DCP1B: variants seen among roughly 807,000 people sequenced by gnomAD.
DCP1B encodes the protein decapping mRNA 1B.
Under a neutral mutation model 60.5 loss-of-function variants are expected in DCP1B, and 47 were observed. That is an observed-to-expected ratio of 0.78 (90% CI 0.61 to 0.99). DCP1B has a LOEUF of 0.99. Ranked by LOEUF, DCP1B falls within the 50% of genes least tolerant of loss-of-function variation. The pLI is 0.00. For synonymous variants in DCP1B, 267 were observed against 280.3 expected, an observed-to-expected ratio of 0.95 and a Z score of 0.47; for missense variants, 725 against 756.8, an observed-to-expected ratio of 0.96 and a Z score of 0.49.
chr12:1,952,500 G>A lies in DCP1B; in HGVS notation c.1440C>T (p.Leu480=), dbSNP rs139331238. Residue 480 remains leucine (L), a synonymous_variant, in exon 7 of 9, where the codon CTC becomes CTT. Coordinates refer to ENST00000280665, the MANE Select transcript of DCP1B (RefSeq NM_152640.5). ...GTTTCCCTGTTCCAGAGCTCTGAGC[G>A]AGCACAGGAAACTTAGCGGCCAAGG... is the stretch of plus-strand genomic sequence containing the variant. ...RPALAAKFPV[L]AQSSGTGKPL... is the part of the protein sequence containing the mutation. The A allele has an allele frequency of 1.1e-4, 170 of 1,614,128 alleles. 1 individual carries two copies. In the African/African-American group the frequency reaches 1.7e-3, roughly 16 times the overall value.
rs1462446981 is a variant in DCP1B at position 1,995,309 on chromosome 12, TTG to T, written c.192-1920_192-1919del. ...CTTCTCCAAAGAATCATAATGCGTG[TTG>T]TGAGAGATGAGTGAGAACGCACCCT... is the stretch of plus-strand genomic sequence containing the variant. On this transcript the variant is annotated intron_variant, in intron 2 of 8. Transcript: ENST00000280665. 2.0e-5 allele frequency among the ~76,000 whole-genome samples: 3 copies of T among 152,244 alleles called. No individual in the cohort carries two copies. In the East Asian group the frequency reaches 5.8e-4, roughly 29 times the overall value.
rs1231785978 is a variant in DCP1B, at chr12:1,948,340, C to T, written c.1773+746G>A. ...GGGCCAGGCTGGGTGCATCCCAGCC[C>T]TGCTTATGTACGAGCTCCGTGCCTC... On this transcript the variant is annotated intron_variant, in intron 8 of 8. Coordinates refer to ENST00000280665, the MANE Select transcript of DCP1B (RefSeq NM_152640.5). This position sits in a 1 kb window ranked among gnomAD's most constrained non-coding sequence, Gnocchi z 4.8. Among the ~76,000 whole-genome samples the T allele has an allele frequency of 2.0e-5, 3 of 152,218 alleles. No individual in the cohort carries two copies. The highest frequency in any genetic ancestry group is 1.9e-4 in the East Asian group (1 of 5,184).
At chr12:1,950,398 T>G in intron 7 of DCP1B, 1 of 702,412 alleles carries the variant, frequency 1.4e-6, no homozygotes, top group South Asian at 1.5e-5. Context: ...AAGGGAGTTG[T>G]ACATCAGAAA....
At chr12:1,974,957 T>C (rs1183050590) in intron 3 of DCP1B, among the ~76,000 whole-genome samples, 1 of 152,176 alleles carries the variant, frequency 6.6e-6, no homozygotes, top group Non-Finnish European at 1.5e-5. Context: ...GACTTCTTCA[T>C]ATTTGAGCCA....
intron 7 of DCP1B, chr12:1,950,212 T>A: frequency 3.2e-6 from 2 of 618,964 alleles, no homozygotes; most frequent in Non-Finnish European, 5.8e-6. Context: ...TGAGCAAAAG[T>A]TGGCCTAGAG....
In DCP1B at chr12:1,946,126, G is replaced by T; in HGVS notation, c.*80C>A. 1 of 1,121,968 alleles carries T rather than the reference G, an allele frequency of 8.9e-7. No homozygotes were observed. Among genetic ancestry groups the T allele is most frequent in the Non-Finnish European group, 1.2e-6 (1 of 806,050 alleles). 69.5% of individuals were successfully genotyped at this position (1,121,968 alleles called of 1,614,324 possible). ...TTTTAAAAAAGGCAGAAACATTGAA[G>T]GAAACAACACTCAACATGAAAGAAC... On this transcript the variant is annotated 3_prime_UTR_variant, in exon 9 of 9. Coordinates refer to ENST00000280665, the MANE Select transcript of DCP1B (RefSeq NM_152640.5).
At chr12:1,954,501 T>C (rs1175044437) in intron 6 of DCP1B, among the ~76,000 whole-genome samples, 1 of 151,616 alleles carries the variant, frequency 6.6e-6, no homozygotes, top group Non-Finnish European at 1.5e-5. Flanking sequence ...ACCTACAGAT[T>C]GACAATTTTT....
intron 5 of DCP1B, among the ~76,000 whole-genome samples, chr12:1,957,305 A>AAAGT (rs1334217349): frequency 6.6e-6 from 1 of 152,238 alleles, no homozygotes; most frequent in African/African-American, 2.4e-5. Context: ...AAAACCTCAA[A>AAAGT]AAGTATGTCA....
intron 1 of DCP1B, among the ~76,000 whole-genome samples, chr12:2,003,851 G>T (rs1324943065): frequency 6.6e-6 from 1 of 152,042 alleles, no homozygotes; most frequent in African/African-American, 2.4e-5. Context: ...CCCCATCTAA[G>T]ACTGACATTC....
At chr12:2,001,431 C>T (rs2042176443) in intron 1 of DCP1B, among the ~76,000 whole-genome samples, 1 of 152,094 alleles carries the variant, frequency 6.6e-6, no homozygotes. Flanking sequence ...AAGAAATAAG[C>T]AATTCAGAAT....
At chr12:1,973,787 C>T (rs952562098) in intron 3 of DCP1B, among the ~76,000 whole-genome samples, 8 of 152,132 alleles carry the variant, frequency 5.3e-5, no homozygotes, top group African/African-American at 1.9e-4. Context: ...ATAGAAACAA[C>T]TTATTCTGCT....
chr12:1,977,882 T>A (rs1016072849), intron 3 of DCP1B, among the ~76,000 whole-genome samples: 3 of 152,204 alleles, frequency 2.0e-5, no homozygotes, highest in Non-Finnish European at 4.4e-5. Context: ...TGGAAGACAA[T>A]CAAGTTTATA....
rs1399596171 is a variant in DCP1B at position 1,997,915 on chromosome 12, T to C, written c.191+20A>G. 2 of 1,589,706 alleles carry C rather than the reference T, an allele frequency of 1.3e-6. No individual in the cohort carries two copies. The highest frequency in any genetic ancestry group is 2.3e-5 in the East Asian group (1 of 44,404). On this transcript the variant is annotated intron_variant, in intron 2 of 8. Coordinates refer to ENST00000280665, the MANE Select transcript of DCP1B (RefSeq NM_152640.5). ...ATTATTTTGAAGATTAGTTTCTTTATAAAAGTGAAACACTCTTACCTTGTA... is the reference window on the plus strand; with the variant it reads ...ATTATTTTGAAGATTAGTTTCTTTACAAAAGTGAAACACTCTTACCTTGTA...
At chr12:1,999,089 G>A (rs767881738) in intron 1 of DCP1B, among the ~76,000 whole-genome samples, 16 of 152,314 alleles carry the variant, frequency 1.1e-4, no homozygotes, top group Middle Eastern at 3.4e-3. Flanking sequence ...CGGCATCAGC[G>A]TCACCTGGGA....
chr12:1,949,225 A>T lies in DCP1B; in HGVS notation c.1634T>A (p.Leu545His). Residue 545 changes from leucine to histidine, a missense_variant, in exon 8 of 9, where the codon CTC becomes CAC. Leu to His is a moderately conservative substitution (Grantham distance 99, BLOSUM62 -3). Coordinates refer to ENST00000280665, the MANE Select transcript of DCP1B (RefSeq NM_152640.5). ...SVPPKERESG[L>H]LPVGGQEPPA... The stretch of plus-strand genomic sequence containing the variant: ...TGGCTCCTGGCCTCCCACAGGCAAG[A>T]GGCCGCTCTCCCTTTCCTTTGGCGG... 6.2e-7 allele frequency: 1 copy of T among 1,614,182 alleles called. No individual in the cohort carries two copies. The highest frequency in any genetic ancestry group is 8.5e-7 in the Non-Finnish European group (1 of 1,180,042).
At chr12:1,950,169 T>C (rs777740725) in intron 7 of DCP1B, 41 of 585,092 alleles carry the variant, frequency 7.0e-5, no homozygotes, top group Admixed American at 2.3e-4. Flanking sequence ...TAGAAGTTGC[T>C]GTAATTTTAT....
At chr12:1,950,023 T>A in intron 7 of DCP1B, 1 of 341,180 alleles carries the variant, frequency 2.9e-6, no homozygotes, top group East Asian at 4.8e-5. Context: ...GTTATGCAAG[T>A]GACATTTTGA....
intron 2 of DCP1B, among the ~76,000 whole-genome samples, 180 bp downstream of exon 2, chr12:1,997,755 T>C (rs1232967186): frequency 5.3e-5 from 8 of 152,248 alleles, no homozygotes; most frequent in Admixed American, 3.3e-4. Context: ...TTCATCACGA[T>C]ATACCAGGTG....
intron 1 of DCP1B, among the ~76,000 whole-genome samples, chr12:2,001,952 G>C (rs74059696): frequency 6.6e-6 from 1 of 152,160 alleles, no homozygotes; most frequent in Non-Finnish European, 1.5e-5. Context: ...ACTGACAGCT[G>C]GAAAATACCA....
Sources: allele counts gnomAD v4.1 joint callset (sites outside exome capture counted in the v4.1 genomes callset), GRCh38; gene constraint gnomAD v4.1.1; non-coding constraint Gnocchi (gnomAD v3.1); transcripts MANE v1.5; gene names NCBI Gene and HGNC (gene_info 2026-07-23, HGNC 2026-07-21).